The following BCAR3 variants were observed in gnomAD, a reference collection of about 807,000 sequenced individuals.
BCAR3 encodes breast cancer anti-estrogen resistance protein 3.
BCAR3 carries 37 observed loss-of-function variants against 80.1 expected under a neutral mutation model. The observed-to-expected ratio is 0.46, with a 90% CI of 0.36 to 0.61. The LOEUF (loss-of-function observed/expected upper bound fraction) is 0.61, where lower values mean the gene tolerates loss of function less well. Ranked by LOEUF, BCAR3 falls within the 20% of genes least tolerant of loss-of-function variation. BCAR3 has a pLI of 0.00. For missense variants in BCAR3, 978 were observed against 1,068.2 expected, an observed-to-expected ratio of 0.92 and a Z score of 1.18; for synonymous variants, 389 against 418.9, an observed-to-expected ratio of 0.93 and a Z score of 0.87.
intron 2 of BCAR3, among the ~76,000 whole-genome samples, chr1:93,748,356 AG>A (rs1392326295): frequency 2.0e-5 from 3 of 152,124 alleles, no homozygotes; most frequent in Non-Finnish European, 4.4e-5. Flanking sequence ...CCATTCACGA[AG>A]GGTTGCATCC....
At chr1:93,623,297 A>AG (rs60308754) in intron 3 of BCAR3, among the ~76,000 whole-genome samples, 25,637 of 152,060 alleles carry the variant, frequency 0.17, 2,278 homozygotes, top group African/African-American at 0.23. Flanking sequence ...TAAAAATGTA[A>AG]GGGGGGGAAT....
chr1:93,589,007 T>C lies in BCAR3; in HGVS notation c.899A>G (p.Glu300Gly). ...SLTMGGVQAR[E>G]QNLPRGNLLR... ...GAGGTTTCCCCTGGGCAAATTCTGC[T>C]CTCGGGCCTGGACGCCACCCATGGT... is the stretch of plus-strand genomic sequence containing the variant. The change falls in exon 5 of 12, where the codon GAG becomes GGG. Residue 300 changes from glutamate to glycine, a missense_variant. By Grantham distance (98) the Glu-to-Gly change is moderately conservative (BLOSUM62 -2). Coordinates refer to ENST00000260502, the MANE Select transcript of BCAR3 (RefSeq NM_003567.4). 1 of 1,589,900 alleles carries C rather than the reference T, an allele frequency of 6.3e-7. No individual in the cohort carries two copies. Among genetic ancestry groups the C allele is most frequent in the Non-Finnish European group, 8.6e-7 (1 of 1,163,950 alleles).
At chr1:93,688,606 T>A (rs1649055236) in intron 3 of BCAR3, among the ~76,000 whole-genome samples, 3 of 152,096 alleles carry the variant, frequency 2.0e-5, no homozygotes, top group Admixed American at 2.0e-4. Flanking sequence ...ACTTATTTAT[T>A]TATTTTTGAG....
intron 2 of BCAR3, among the ~76,000 whole-genome samples, chr1:93,733,331 G>A (rs1042577189): frequency 6.6e-6 from 1 of 152,090 alleles, no homozygotes; most frequent in African/African-American, 2.4e-5. Flanking sequence ...GGATTTTTTT[G>A]TATGTCCCCC....
At chr1:93,711,598 A>C (rs1650023207) in intron 2 of BCAR3, among the ~76,000 whole-genome samples, 1 of 152,204 alleles carries the variant, frequency 6.6e-6, no homozygotes, top group African/African-American at 2.4e-5. Flanking sequence ...TAATGGAAGA[A>C]GCCGCAAAGG....
chr1:93,668,359 G>A (rs1278702710), intron 2 of BCAR3, among the ~76,000 whole-genome samples: 1 of 152,110 alleles, frequency 6.6e-6, no homozygotes, highest in Non-Finnish European at 1.5e-5. Flanking sequence ...TAGATCTGCA[G>A]GCACTTCCCA....
At chr1:93,789,571 G>T (rs942099905) in intron 2 of BCAR3, among the ~76,000 whole-genome samples, 56 of 152,140 alleles carry the variant, frequency 3.7e-4, no homozygotes, top group African/African-American at 1.3e-3. Context: ...CTGTAACTTG[G>T]GGTGGGGTGG....
intron 2 of BCAR3, among the ~76,000 whole-genome samples, chr1:93,765,916 C>T (rs1470778251): frequency 2.6e-5 from 4 of 152,174 alleles, no homozygotes; most frequent in South Asian, 2.1e-4. Flanking sequence ...CCACCCACCT[C>T]GGCCTCCCTA....
intron 6 of BCAR3, among the ~76,000 whole-genome samples, 185 bp from the exon 7 acceptor site, chr1:93,583,138 G>A (rs532555455): frequency 1.2e-4 from 18 of 152,318 alleles, no homozygotes; most frequent in Admixed American, 5.2e-4. Flanking sequence ...ACAGCATCGT[G>A]AGGGCTGGGC....
chr1:93,696,992 T>C (rs1436330882), intron 3 of BCAR3, among the ~76,000 whole-genome samples: 1 of 152,184 alleles, frequency 6.6e-6, no homozygotes, highest in East Asian at 1.9e-4. Context: ...GACTGGGAGC[T>C]GGCGTCTCCG....
Position 93,637,807 on chromosome 1 carries a change from AAGATT to A in BCAR3, c.357+4492_357+4496del, listed in dbSNP as rs1242433028. Among the ~76,000 whole-genome samples, 9 of 152,200 alleles carry A rather than the reference AAGATT, an allele frequency of 5.9e-5. No individual in the cohort carries two copies. In the East Asian group the frequency reaches 9.6e-4, roughly 16 times the overall value. ...TTAAGAACTCCTTACCACTGGCTAC[AAGATT>A]TTCCTCTCCAGCCTATTCTAGGCAT... On this transcript the variant is annotated intron_variant, in intron 3 of 11. Transcript: ENST00000260502.
upstream of BCAR3, among the ~76,000 whole-genome samples, chr1:93,686,299 G>A (rs1280103854): frequency 6.6e-6 from 1 of 152,132 alleles, no homozygotes. Flanking sequence ...CCAGCTACTC[G>A]GGAGGCTGAG....
chr1:93,827,140 T>C (rs1207299703), intron 2 of BCAR3, among the ~76,000 whole-genome samples: 4 of 152,104 alleles, frequency 2.6e-5, no homozygotes, highest in Non-Finnish European at 4.4e-5. Flanking sequence ...GAAAACACTT[T>C]AACTAGAGAA....
intron 2 of BCAR3, chr1:93,753,257 T>G (rs1409205890): frequency 6.6e-6 from 1 of 152,220 alleles, no homozygotes; most frequent in Non-Finnish European, 1.5e-5. Context: ...AAGCGGTGTT[T>G]TTGTATTCCA....
intron 2 of BCAR3, among the ~76,000 whole-genome samples, chr1:93,840,307 T>A (rs1273529349): frequency 6.6e-6 from 1 of 152,170 alleles, no homozygotes; most frequent in Admixed American, 6.5e-5. Context: ...TTCCCTGTGG[T>A]TTGCCTTCCC....
chr1:93,824,892 A>C (rs1654328023), intron 2 of BCAR3, among the ~76,000 whole-genome samples: 1 of 132,572 alleles, frequency 7.5e-6, no homozygotes, highest in Non-Finnish European at 1.7e-5. Context: ...GTCTGGGGGG[A>C]CCATCCCTCT....
At chr1:93,624,032 C>T (rs971405909) in intron 3 of BCAR3, among the ~76,000 whole-genome samples, 4 of 152,162 alleles carry the variant, frequency 2.6e-5, no homozygotes, top group East Asian at 1.9e-4. Flanking sequence ...TAACAATACA[C>T]GAATTTGCCT....
At chr1:93,575,207 A>G (rs527897097) in intron 8 of BCAR3, among the ~76,000 whole-genome samples, 1 of 152,356 alleles carries the variant, frequency 6.6e-6, no homozygotes, top group East Asian at 1.9e-4. Context: ...TTTCCTGGAC[A>G]GCACTGTGAC....
intron 9 of BCAR3, among the ~76,000 whole-genome samples, chr1:93,569,088 A>G (rs1446989298): frequency 3.9e-5 from 6 of 152,238 alleles, no homozygotes; most frequent in Non-Finnish European, 7.3e-5. Context: ...TCCTAAGATA[A>G]ATGGTCCCCA....
Sources: allele counts gnomAD v4.1 joint callset (sites outside exome capture counted in the v4.1 genomes callset), GRCh38; gene constraint gnomAD v4.1.1; transcripts MANE v1.5; gene names NCBI Gene and HGNC (gene_info 2026-07-23, HGNC 2026-07-21).